Variants in PDLIM5 observed in about 807,000 individuals in gnomAD.
PDLIM5 encodes the protein PDZ and LIM domain 5, also known as PDZ and LIM domain protein 5.
A neutral mutation model predicts 64.2 loss-of-function variants in PDLIM5; 34 were observed. The observed-to-expected ratio is 0.53, with a 90% CI of 0.40 to 0.71. PDLIM5 has a LOEUF of 0.71. Among genes scored for constraint, PDLIM5 ranks in the 30% least tolerant of loss-of-function variants. The pLI is 0.00. For synonymous variants in PDLIM5, 253 were observed against 269.1 expected (o/e 0.94, Z 0.59); for missense variants, 683 against 733.6 (o/e 0.93, Z 0.80).
At chr4:94,619,374 C>A (rs1364931346) in intron 8 of PDLIM5, among the ~76,000 whole-genome samples, 1 of 147,838 alleles carries the variant, frequency 6.8e-6, no homozygotes, top group African/African-American at 2.5e-5. Flanking sequence ...TCCACGGTGG[C>A]TCACGCCTGT....
intron 2 of PDLIM5, among the ~76,000 whole-genome samples, chr4:94,485,016 A>G (rs1418927037): frequency 6.6e-6 from 1 of 151,892 alleles, no homozygotes; most frequent in African/African-American, 2.4e-5. Context: ...CATAAAAGAG[A>G]GTGTAGGTGG....
chr4:94,627,764 G>T (rs963850688), intron 8 of PDLIM5, among the ~76,000 whole-genome samples: 1 of 152,182 alleles, frequency 6.6e-6, no homozygotes, highest in African/African-American at 2.4e-5. Flanking sequence ...TCAAACGCAT[G>T]AATAAGAATA....
At chr4:94,484,805 T>C (rs1560647162) in intron 2 of PDLIM5, among the ~76,000 whole-genome samples, 1 of 152,228 alleles carries the variant, frequency 6.6e-6, no homozygotes, top group Non-Finnish European at 1.5e-5. Context: ...AGGCTTCTGT[T>C]ATAGAAATGC....
Position 94,575,614 on chromosome 4 carries a change from A to G in PDLIM5, c.292-2A>G. 4 of 1,539,662 alleles carry G rather than the reference A, an allele frequency of 2.6e-6. No individual in the cohort carries two copies. The highest frequency in any genetic ancestry group is 3.5e-6 in the Non-Finnish European group (4 of 1,138,574). Reference sequence around the variant, plus strand: ...GTGTATGTTTATTTTTGTTTTACATAGGGAGAACCTAAAGAAGTAGTTAAA... The same window carrying G: ...GTGTATGTTTATTTTTGTTTTACATGGGGAGAACCTAAAGAAGTAGTTAAA... On this transcript the variant is annotated splice_acceptor_variant, in intron 4 of 12. Transcript: ENST00000317968. LOFTEE classifies it high-confidence loss of function.
chr4:94,458,722 T>A (rs575044823), intron 2 of PDLIM5, among the ~76,000 whole-genome samples: 36 of 152,338 alleles, frequency 2.4e-4, no homozygotes, highest in African/African-American at 7.2e-4. Context: ...CATTCCATTT[T>A]CTTTAGATTT....
At chr4:94,494,429 C>CTTTTTTTTTTTTTTTTTTTTTT (rs1261064734) in intron 2 of PDLIM5, among the ~76,000 whole-genome samples, 4 of 51,594 alleles carry the variant, frequency 7.8e-5, no homozygotes, top group African/African-American at 1.9e-4. Context: ...TTTTTTTTTT[C>CTTTTTTTTTTTTTTTTTTTTTT]TTGTTTTTTT....
intron 3 of PDLIM5, among the ~76,000 whole-genome samples, chr4:94,525,724 A>C (rs2110140372): frequency 6.6e-6 from 1 of 152,332 alleles, no homozygotes; most frequent in African/African-American, 2.4e-5. Context: ...CTTTCTAAGC[A>C]GTTTCCTCTT....
intron 7 of PDLIM5, among the ~76,000 whole-genome samples, chr4:94,588,406 A>G (rs1470276661): frequency 1.3e-5 from 2 of 151,996 alleles, no homozygotes; most frequent in African/African-American, 2.4e-5. Context: ...TCTACTAAAC[A>G]TACAAAATTA....
chr4:94,577,332 C>A (rs1040919019), intron 5 of PDLIM5: 1 of 456,158 alleles, frequency 2.2e-6, no homozygotes, highest in African/African-American at 2.0e-5. Context: ...GCTGCCATGG[C>A]AACTTTGGGG....
At chr4:94,534,727 G>A (rs1731172202) in intron 3 of PDLIM5, among the ~76,000 whole-genome samples, 1 of 152,160 alleles carries the variant, frequency 6.6e-6, no homozygotes, top group South Asian at 2.1e-4. Flanking sequence ...ATAAGTATTA[G>A]TATGGAATCC....
Position 94,666,120 on chromosome 4 carries a change from C to G in PDLIM5, c.*2053C>G. On this transcript the variant is annotated 3_prime_UTR_variant, in exon 13 of 13. Transcript: ENST00000317968. ...GAGACAGAGCCCTAGGTCCTTCCTG[C>G]CCCATCACTCACTTACGACATCACT... 1.0e-6 allele frequency: 1 copy of G among 956,762 alleles called. No homozygotes were observed. Among genetic ancestry groups the G allele is most frequent in the Non-Finnish European group, 1.6e-6 (1 of 640,742 alleles). The allele number at this position is 956,762 out of a possible 1,614,324, so 59.3% of individuals were successfully genotyped here.
intron 7 of PDLIM5, chr4:94,610,268 C>T (rs1187970711): frequency 1.3e-6 from 2 of 1,518,180 alleles, no homozygotes; most frequent in Admixed American, 2.0e-5. Context: ...AGCAGCGCAG[C>T]TGCTACTGTG....
chr4:94,662,939 A>G (rs1742858245), intron 12 of PDLIM5, among the ~76,000 whole-genome samples: 1 of 152,140 alleles, frequency 6.6e-6, no homozygotes, highest in African/African-American at 2.4e-5. Flanking sequence ...AACACTGGGA[A>G]TAAACTATAT....
intron 3 of PDLIM5, among the ~76,000 whole-genome samples, chr4:94,568,692 A>G (rs1560709311): frequency 6.6e-6 from 1 of 152,228 alleles, no homozygotes; most frequent in Non-Finnish European, 1.5e-5. Flanking sequence ...TACAGCAATA[A>G]GTTTTCTCCC....
chr4:94,483,448 T>C (rs1490564587), intron 2 of PDLIM5, among the ~76,000 whole-genome samples: 2 of 152,182 alleles, frequency 1.3e-5, no homozygotes, highest in Non-Finnish European at 2.9e-5. Context: ...TTCATAAGTA[T>C]ATACATGTGT....
intron 9 of PDLIM5, among the ~76,000 whole-genome samples, chr4:94,649,519 C>A (rs1230009571): frequency 2.0e-5 from 3 of 152,116 alleles, no homozygotes; most frequent in Non-Finnish European, 4.4e-5. Context: ...ATCTAACATG[C>A]CATATATTTT....
intron 3 of PDLIM5, chr4:94,549,648 C>G (rs1732626694): frequency 6.6e-6 from 1 of 152,070 alleles, no homozygotes; most frequent in Admixed American, 6.5e-5. Flanking sequence ...GTTAAAAAAG[C>G]AAGGTGTAAA....
intron 2 of PDLIM5, among the ~76,000 whole-genome samples, chr4:94,481,529 G>A (rs1031445481): frequency 6.6e-6 from 1 of 150,854 alleles, no homozygotes; most frequent in African/African-American, 2.4e-5. Context: ...TGATCTGCCT[G>A]CCTCGCCTCC....
intron 7 of PDLIM5, among the ~76,000 whole-genome samples, chr4:94,615,207 T>A (rs913984994): frequency 6.6e-6 from 1 of 152,090 alleles, no homozygotes; most frequent in Non-Finnish European, 1.5e-5. Context: ...CACAGTAAAG[T>A]CCCCAACCTC....
Sources: allele counts gnomAD v4.1 joint callset (sites outside exome capture counted in the v4.1 genomes callset), GRCh38; gene constraint gnomAD v4.1.1; transcripts MANE v1.5; gene names NCBI Gene and HGNC (gene_info 2026-07-23, HGNC 2026-07-21).